Variants in EYA1 observed in about 807,000 individuals in gnomAD.
EYA1 encodes protein phosphatase EYA1.
Under a neutral mutation model 82.0 loss-of-function variants are expected in EYA1, and 16 were observed. The ratio of observed to expected loss-of-function variants is 0.20; its 90% CI spans 0.13 to 0.30. The LOEUF is 0.30. EYA1 is among the 10% of genes least tolerant of loss of function. The probability of loss-of-function intolerance (pLI) is 1.00; values close to 1 mark genes in which losing one functional copy is unlikely to be tolerated. For synonymous variants in EYA1, 261 were observed against 264.4 expected, an observed-to-expected ratio of 0.99 and a Z score of 0.12; for missense variants, 633 against 730.7, an observed-to-expected ratio of 0.87 and a Z score of 1.54.
chr8:71,492,867 T>A (rs1438174570), intron 2 of EYA1, among the ~76,000 whole-genome samples: 1 of 152,218 alleles, frequency 6.6e-6, no homozygotes, highest in Non-Finnish European at 1.5e-5. Context: ...ACCCAGGTAT[T>A]AAGCCTAGTA....
chr8:71,301,815 T>C (rs1372932584), intron 7 of EYA1, among the ~76,000 whole-genome samples: 3 of 152,122 alleles, frequency 2.0e-5, no homozygotes, highest in Admixed American at 6.5e-5. Flanking sequence ...AGGAAACATA[T>C]ATTCAATGCC....
rs1338377799 is a variant in EYA1, at chr8:71,294,519, G to A, written c.826+4528C>T. 2.0e-5 allele frequency among the ~76,000 whole-genome samples: 3 copies of A among 152,160 alleles called. No homozygotes were observed. The East Asian group carries it at 5.8e-4, about 29-fold the overall frequency. ...CATCAATACTAGAGAGGGAAAGAGAGAGAGAGAAAGAGGTGTAACTCTAAA... is the reference window on the plus strand; with the variant it reads ...CATCAATACTAGAGAGGGAAAGAGAAAGAGAGAAAGAGGTGTAACTCTAAA... On this transcript the variant is annotated intron_variant, in intron 9 of 17. Transcript: ENST00000340726.
chr8:71,421,568 T>C (rs551970199), intron 2 of EYA1, among the ~76,000 whole-genome samples: 9 of 152,210 alleles, frequency 5.9e-5, no homozygotes, highest in Middle Eastern at 3.4e-3. Context: ...CATGCTCAAG[T>C]GTGTGTGTCT....
intron 9 of EYA1, among the ~76,000 whole-genome samples, chr8:71,276,651 C>G (rs1193335218): frequency 6.6e-6 from 1 of 152,180 alleles, no homozygotes; most frequent in Admixed American, 6.5e-5. Flanking sequence ...ATTCTTGCAA[C>G]AGGCTATTTC....
intron 2 of EYA1, among the ~76,000 whole-genome samples, chr8:71,392,410 GA>G (rs1277727237): frequency 1.3e-5 from 2 of 152,144 alleles, no homozygotes; most frequent in East Asian, 3.9e-4. Context: ...GAAAGAGGGG[GA>G]AAAAATGGGG....
At position 71,380,080 on chromosome 8, in the gene EYA1, C is replaced by T. The variant is rs548335031; in HGVS notation, c.34-23569G>A. Among the ~76,000 whole-genome samples, 4 of 152,288 alleles carry T rather than the reference C, an allele frequency of 2.6e-5. No individual in the cohort carries two copies. The East Asian group carries it at 7.7e-4, about 29-fold the overall frequency. On this transcript the variant is annotated intron_variant, in intron 2 of 18. Coordinates refer to the EYA1 transcript ENST00000643681. ...CTCTTCTTGCACGATGTTGACATCC[C>T]TCAGGATCAGTCCAGTATATTCTCC...
chr8:71,198,912 C>T lies in EYA1; in HGVS notation c.*428G>A. 4.3e-6 allele frequency: 1 copy of T among 233,186 alleles called. No individual in the cohort carries two copies. The highest frequency in any genetic ancestry group is 8.7e-6 in the Non-Finnish European group (1 of 115,452). The allele number at this position is 233,186 out of a possible 1,614,324, so 14.4% of individuals were successfully genotyped here. ...TGGGTATGAGACACCAAAAAGTAAACCTTCTTTACAAGAAAATTCCTCCAC... is the reference window on the plus strand; with the variant it reads ...TGGGTATGAGACACCAAAAAGTAAATCTTCTTTACAAGAAAATTCCTCCAC... On this transcript the variant is annotated 3_prime_UTR_variant, in exon 18 of 18. Transcript: ENST00000340726.
intron 2 of EYA1, among the ~76,000 whole-genome samples, chr8:71,506,882 G>T (rs967317424): frequency 6.6e-6 from 1 of 151,390 alleles, no homozygotes; most frequent in African/African-American, 2.4e-5. Context: ...AAAATTAAAA[G>T]GCAAGCAACA....
chr8:71,276,440 A>T (rs527559191), intron 9 of EYA1, among the ~76,000 whole-genome samples: 4 of 152,162 alleles, frequency 2.6e-5, no homozygotes, highest in Admixed American at 6.5e-5. Flanking sequence ...CTCTCTACCC[A>T]AGTATTCCAT....
At chr8:71,332,870 C>T (rs1411154210) in intron 4 of EYA1, among the ~76,000 whole-genome samples, 1 of 152,208 alleles carries the variant, frequency 6.6e-6, no homozygotes. Flanking sequence ...CTGCTGTCTC[C>T]TTTCATGGAG....
At chr8:71,414,829 C>A (rs576427385) in intron 2 of EYA1, among the ~76,000 whole-genome samples, 1 of 152,166 alleles carries the variant, frequency 6.6e-6, no homozygotes, top group Non-Finnish European at 1.5e-5. Flanking sequence ...AACCTGAGAA[C>A]TTCTTTCTAA....
intron 2 of EYA1, among the ~76,000 whole-genome samples, chr8:71,498,618 C>G (rs1378973063): frequency 6.6e-6 from 1 of 152,148 alleles, no homozygotes; most frequent in African/African-American, 2.4e-5. Flanking sequence ...CAAGGGCCCT[C>G]ACAGGACCTC....
At chr8:71,261,884 C>T (rs1815157618) in intron 11 of EYA1, among the ~76,000 whole-genome samples, 2 of 152,176 alleles carry the variant, frequency 1.3e-5, no homozygotes, top group Non-Finnish European at 2.9e-5. Flanking sequence ...AGTGTTCCAG[C>T]CACTTTTTAG....
intron 2 of EYA1, among the ~76,000 whole-genome samples, chr8:71,464,790 A>C (rs976520435): frequency 6.6e-6 from 1 of 152,192 alleles, no homozygotes. Flanking sequence ...CATTCTACAC[A>C]TACTATTTAT....
At chr8:71,407,630 A>T (rs1830332751) in intron 2 of EYA1, among the ~76,000 whole-genome samples, 1 of 117,496 alleles carries the variant, frequency 8.5e-6, no homozygotes, top group Non-Finnish European at 1.7e-5. Flanking sequence ...CAGCAATGGA[A>T]GATGAAATGA....
rs1410418937 is a variant in EYA1 at position 71,277,123 on chromosome 8, T to TGC, written c.827-5227_827-5226insGC. On this transcript the variant is annotated intron_variant, in intron 9 of 17. Coordinates refer to ENST00000340726, the MANE Select transcript of EYA1 (RefSeq NM_000503.6). ...ATTTCATGGCTTCACACATTTTTTT[T>TGC]TTTTTTTTTTTTTTTTTTTTTTTTT... Among the ~76,000 whole-genome samples, 141 of 94,556 alleles carry TGC rather than the reference T, an allele frequency of 1.5e-3. 10 individuals are homozygous for TGC. In the East Asian group the frequency reaches 0.032, roughly 21 times the overall value. 62.0% of individuals were successfully genotyped at this position (94,556 alleles called of 152,430 possible).
intron 9 of EYA1, among the ~76,000 whole-genome samples, chr8:71,288,190 TTACACTCAATTCTCAATGAG>T (rs1353866332): frequency 3.3e-5 from 5 of 152,158 alleles, no homozygotes; most frequent in African/African-American, 1.2e-4. Context: ...ACATTGGACA[TTACACTCAATTCTCAATGAG>T]TACTGTCATA....
chr8:71,315,660 A>G (rs1470008478), intron 7 of EYA1, among the ~76,000 whole-genome samples: 5 of 152,146 alleles, frequency 3.3e-5, no homozygotes, highest in Non-Finnish European at 7.4e-5. Context: ...TTATTACTAG[A>G]GCCTAGGACT....
chr8:71,479,937 T>G (rs866080804), intron 2 of EYA1, among the ~76,000 whole-genome samples: 5 of 152,214 alleles, frequency 3.3e-5, no homozygotes, highest in African/African-American at 4.8e-5. Context: ...CAAAGGAGAT[T>G]GGAAACAATG....
Sources: gnomAD v4.1 joint callset for allele counts (sites outside exome capture counted in the v4.1 genomes callset) on GRCh38, gnomAD v4.1.1 for gene constraint, MANE v1.5 for transcripts, NCBI Gene and HGNC (gene_info 2026-07-23, HGNC 2026-07-21) for gene names.